Variants in LRRFIP1 observed in about 807,000 individuals in gnomAD.
LRRFIP1 encodes LRR binding FLII interacting protein 1, also known as leucine-rich repeat flightless-interacting protein 1.
LRRFIP1 carries 62 observed loss-of-function variants against 104.4 expected under a neutral mutation model. The ratio of observed to expected loss-of-function variants is 0.59; its 90% confidence interval spans 0.48 to 0.73. The LOEUF (loss-of-function observed/expected upper bound fraction) is 0.73, where lower values mean the gene tolerates loss of function less well. Ranked by LOEUF, LRRFIP1 falls within the 30% of genes least tolerant of loss-of-function variation. The probability of loss-of-function intolerance (pLI) is 0.00; values close to 1 mark genes in which losing one functional copy is unlikely to be tolerated. For missense variants in LRRFIP1, 796 were observed against 824.5 expected (o/e 0.97, Z 0.42); for synonymous variants, 300 against 299.0 (o/e 1.00, Z -0.03).
rs1222666783 is a variant in LRRFIP1 at position 237,692,489 on chromosome 2, A to G, written c.97-16055A>G. The G allele has an allele frequency of 3.3e-6, 5 of 1,532,602 alleles. No individual in the cohort carries two copies. In the South Asian group the frequency reaches 6.1e-5, roughly 19 times the overall value. The allele number at this position is 1,532,602 out of a possible 1,614,324, so 94.9% of individuals were successfully genotyped here. ...CCCCGCGGCCGCTCAAAGCCGGGAG[A>G]TCGACTGTTTGAGCCCGGAAGCGCA... On this transcript the variant is annotated intron_variant, in intron 1 of 23. Coordinates refer to ENST00000308482, the MANE Select transcript of LRRFIP1 (RefSeq NM_001137550.2).
At chr2:237,670,539 T>G (rs1209632461) in intron 1 of LRRFIP1, among the ~76,000 whole-genome samples, 2 of 152,228 alleles carry the variant, frequency 1.3e-5, no homozygotes, top group East Asian at 3.8e-4. Context: ...GAGCCTCAGT[T>G]TCCACATTGG....
intron 19 of LRRFIP1, among the ~76,000 whole-genome samples, chr2:237,761,221 T>C (rs1342527591): frequency 6.6e-6 from 1 of 152,230 alleles, no homozygotes; most frequent in East Asian, 1.9e-4. Context: ...CACAGCTCTT[T>C]TCAATTGTGT....
At chr2:237,777,234 A>G (rs1467896112) in intron 23 of LRRFIP1, among the ~76,000 whole-genome samples, 5 of 152,032 alleles carry the variant, frequency 3.3e-5, no homozygotes, top group East Asian at 3.9e-4. Flanking sequence ...AGATAATACT[A>G]TTGTTGTGTT....
At position 237,714,181 on chromosome 2, in the gene LRRFIP1, T is replaced by C. The variant is rs569624535; in HGVS notation, c.184-78T>C. On this transcript the variant is annotated intron_variant, in intron 2 of 23. Coordinates refer to ENST00000308482, the MANE Select transcript of LRRFIP1 (RefSeq NM_001137550.2). Reference sequence around the variant, plus strand: ...GACTTGATTCATATGTCTAGTTACTTACAGAACCTTTCATTCTGATGTTAC... The same window carrying C: ...GACTTGATTCATATGTCTAGTTACTCACAGAACCTTTCATTCTGATGTTAC... 5.9e-5 allele frequency: 60 copies of C among 1,015,820 alleles called. No homozygotes were observed. In the South Asian group the frequency reaches 6.4e-4, roughly 11 times the overall value. The allele number at this position is 1,015,820 out of a possible 1,614,324, so 62.9% of individuals were successfully genotyped here. A position where few individuals can be genotyped will look rare whatever the true frequency, so the allele number is the denominator to read the frequency against.
chr2:237,736,186 G>A (rs2095240415), intron 10 of LRRFIP1, among the ~76,000 whole-genome samples: 1 of 152,216 alleles, frequency 6.6e-6, no homozygotes, highest in Admixed American at 6.5e-5. Flanking sequence ...GTGTAAGCCA[G>A]TCTAACCTAC....
chr2:237,667,545 G>T (rs944798694), intron 1 of LRRFIP1, among the ~76,000 whole-genome samples: 4 of 152,188 alleles, frequency 2.6e-5, no homozygotes, highest in African/African-American at 9.7e-5. Context: ...ACAGTAGAAT[G>T]ATTTATAATC....
chr2:237,774,582 C>T lies in LRRFIP1; in HGVS notation c.1812+120C>T, dbSNP rs909972747. 2.8e-5 allele frequency: 19 copies of T among 687,556 alleles called. No homozygotes were observed. In the East Asian group the frequency reaches 4.9e-4, roughly 18 times the overall value. The allele number at this position is 687,556 out of a possible 1,614,324, so 42.6% of individuals were successfully genotyped here. ...CCTGGGCTGGTCATTGTCAGATCAT[C>T]CCACACCACTCTGCAGTGCCGGTGT... On this transcript the variant is annotated intron_variant, in intron 23 of 23. Transcript: ENST00000308482.
intron 1 of LRRFIP1, among the ~76,000 whole-genome samples, chr2:237,675,137 C>T (rs1039242214): frequency 6.6e-6 from 1 of 152,228 alleles, no homozygotes; most frequent in South Asian, 2.1e-4. Flanking sequence ...CCTGAGCCCC[C>T]GCTCTGAGGT....
chr2:237,750,317 T>C (rs1044200443), intron 13 of LRRFIP1, among the ~76,000 whole-genome samples: 4 of 146,634 alleles, frequency 2.7e-5, no homozygotes, highest in Non-Finnish European at 5.9e-5. Context: ...TCTTTTCTTT[T>C]CTTTCTTTCT....
chr2:237,696,010 A>T (rs1255843563), intron 1 of LRRFIP1, among the ~76,000 whole-genome samples: 1 of 152,176 alleles, frequency 6.6e-6, no homozygotes, highest in African/African-American at 2.4e-5. Flanking sequence ...CAGAAATTAT[A>T]TGTATTCCGA....
rs970743679 is a variant in LRRFIP1 at position 237,735,207 on chromosome 2, C to T, written c.490-61C>T. On this transcript the variant is annotated intron_variant, in intron 9 of 23. Coordinates refer to ENST00000308482, the MANE Select transcript of LRRFIP1 (RefSeq NM_001137550.2). The surrounding 1 kb of genome is among the most constrained non-coding windows in gnomAD (Gnocchi z 4.6). ...TTTTTCACAGCTCACGTTTTCAGCACTTTCTGGGCACTCTTGGAGAAAGGA... is the reference window on the plus strand; with the variant it reads ...TTTTTCACAGCTCACGTTTTCAGCATTTTCTGGGCACTCTTGGAGAAAGGA... The T allele has an allele frequency of 6.9e-7, 1 of 1,454,106 alleles. No homozygotes were observed. The highest frequency in any genetic ancestry group is 1.2e-5 in the South Asian group (1 of 83,486). The allele number at this position is 1,454,106 out of a possible 1,614,324, so 90.1% of individuals were successfully genotyped here.
intron 19 of LRRFIP1, chr2:237,762,573 G>A (rs2059988297): frequency 6.5e-7 from 1 of 1,540,938 alleles, no homozygotes; most frequent in Non-Finnish European, 8.8e-7. Flanking sequence ...ACATCATGGG[G>A]TCCCTTCAAT....
At chr2:237,683,764 T>G (rs147473946) in intron 1 of LRRFIP1, among the ~76,000 whole-genome samples, 1 of 152,232 alleles carries the variant, frequency 6.6e-6, no homozygotes, top group Non-Finnish European at 1.5e-5. Flanking sequence ...TTTCTGTACC[T>G]TCAGCTGGAA....
In LRRFIP1 at chr2:237,711,920, G is replaced by A. The variant is rs1417981344; in HGVS notation, c.184-2339G>A. On this transcript the variant is annotated intron_variant, in intron 2 of 23. Coordinates refer to ENST00000308482, the MANE Select transcript of LRRFIP1 (RefSeq NM_001137550.2). This position sits in a 1 kb window ranked among gnomAD's most constrained non-coding sequence, Gnocchi z 4.4. ...CAGCGCAGCACGCGTTCCTAACGGC[G>A]GCAACGGTGCCTTCATGAATTTCGG... Among the ~76,000 whole-genome samples, 4 of 152,216 alleles carry A rather than the reference G, an allele frequency of 2.6e-5. No individual in the cohort carries two copies. The highest frequency in any genetic ancestry group is 7.2e-5 in the African/African-American group (3 of 41,452).
chr2:237,660,828 C>T (rs1012581813), intron 1 of LRRFIP1, among the ~76,000 whole-genome samples: 8 of 152,112 alleles, frequency 5.3e-5, no homozygotes, highest in South Asian at 2.1e-4. Flanking sequence ...GGCAGAACAG[C>T]GCACGGTGCT....
chr2:237,647,869 A>G (rs1455153638), intron 1 of LRRFIP1, among the ~76,000 whole-genome samples: 1 of 152,038 alleles, frequency 6.6e-6, no homozygotes, highest in Non-Finnish European at 1.5e-5. Flanking sequence ...TGCTGTCTTT[A>G]TGTCTTCAGG....
Position 237,692,140 on chromosome 2 carries a change from G to A in LRRFIP1, c.97-16404G>A, listed in dbSNP as rs2092827108. 4 of 844,786 alleles carry A rather than the reference G, an allele frequency of 4.7e-6. No individual in the cohort carries two copies. In the East Asian group the frequency reaches 4.0e-4, roughly 84 times the overall value. The allele number at this position is 844,786 out of a possible 1,614,324, so 52.3% of individuals were successfully genotyped here. A position where few individuals can be genotyped will look rare whatever the true frequency, so the allele number is the denominator to read the frequency against. ...TAGCCGGGAGGGCCCCTCCGAGGCG[G>A]AACTGCGTGGGGGGCGGGGCGGGCC... On this transcript the variant is annotated intron_variant, in intron 1 of 23. Transcript: ENST00000308482.
At chr2:237,723,434 T>G in intron 6 of LRRFIP1, 114 bp from the exon 7 acceptor site, 1 of 1,068,226 alleles carries the variant, frequency 9.4e-7, no homozygotes, top group Non-Finnish European at 1.4e-6. Flanking sequence ...GAAAAATGCA[T>G]TTTTGTTAAG....
At chr2:237,774,109 A>G (rs2279641) in intron 22 of LRRFIP1, 133,639 of 461,128 alleles carry the variant, frequency 0.29, 21,647 homozygotes, top group East Asian at 0.55. Context: ...CCAGCACTGC[A>G]GAAACCACCC....
Sources: allele counts gnomAD v4.1 joint callset (sites outside exome capture counted in the v4.1 genomes callset), GRCh38; gene constraint gnomAD v4.1.1; non-coding constraint Gnocchi (gnomAD v3.1); transcripts MANE v1.5; gene names NCBI Gene and HGNC (gene_info 2026-07-23, HGNC 2026-07-21).